The following IL1RL1 variants were observed in gnomAD, a reference collection of about 807,000 sequenced individuals.
IL1RL1 encodes the protein interleukin-1 receptor-like 1.
Under a neutral mutation model 50.9 loss-of-function variants are expected in IL1RL1, and 32 were observed. The observed-to-expected ratio is 0.63, with a 90% CI of 0.47 to 0.84. The LOEUF (loss-of-function observed/expected upper bound fraction) is 0.84, where lower values mean the gene tolerates loss of function less well. Among genes scored for constraint, IL1RL1 ranks in the 40% least tolerant of loss-of-function variants. The pLI is 0.00. For missense variants in IL1RL1, 773 were observed against 662.9 expected (o/e 1.17, Z -1.82); for synonymous variants, 275 against 236.0 (o/e 1.17, Z -1.51).
At chr2:102,321,876 G>A (rs560940768) in intron 1 of IL1RL1, among the ~76,000 whole-genome samples, 2 of 152,262 alleles carry the variant, frequency 1.3e-5, no homozygotes, top group East Asian at 1.9e-4. Flanking sequence ...ATTATTGTGC[G>A]GTTCGCTATA....
At chr2:102,340,540 A>G in intron 4 of IL1RL1, 126 bp from the exon 5 acceptor site, 1 of 946,156 alleles carries the variant, frequency 1.1e-6, no homozygotes, top group Non-Finnish European at 1.6e-6. Flanking sequence ...TTGAACCTAG[A>G]AGGCAGAGGT....
chr2:102,340,840 A>G lies in IL1RL1; in HGVS notation c.610+12A>G. 1 of 1,553,750 alleles carries G rather than the reference A, an allele frequency of 6.4e-7. No homozygotes were observed. Among genetic ancestry groups the G allele is most frequent in the Non-Finnish European group, 8.6e-7 (1 of 1,158,568 alleles). On this transcript the variant is annotated intron_variant, in intron 5 of 10. Transcript: ENST00000233954. ...CTTCACGGTCAAGGGTAAGCTACTG[A>G]CATTAATGAGATAGAATACTACGTG...
chr2:102,337,212 G>A (rs896851441), intron 1 of IL1RL1: 7 of 152,240 alleles, frequency 4.6e-5, no homozygotes, highest in Non-Finnish European at 1.0e-4. Flanking sequence ...TTTCAGGATG[G>A]GAGGAGTGTC....
At position 102,342,256 on chromosome 2, in the gene IL1RL1, G is replaced by A. The variant is rs1285029110; in HGVS notation, c.644G>A (p.Gly215Glu). The stretch of plus-strand genomic sequence containing the variant: ...GGCTTTTCTCTGTTTCCAGTAATCG[G>A]AGCCCCTGCACAAAATGAAATAAAG... ...EQGFSLFPVI[G>E]APAQNEIKEV... is the part of the protein sequence containing the mutation. Residue 215 changes from glycine to glutamate, a missense_variant, in exon 6 of 11, where the codon GGA becomes GAA. Gly to Glu is a moderately conservative substitution (Grantham distance 98). Transcript: ENST00000233954. 1 of 1,612,080 alleles carries A rather than the reference G, an allele frequency of 6.2e-7. No individual in the cohort carries two copies. The highest frequency in any genetic ancestry group is 1.3e-5 in the African/African-American group (1 of 74,926).
At chr2:102,351,432 GA>G in intron 10 of IL1RL1, 103 bp from the exon 11 acceptor site, 3 of 1,033,914 alleles carry the variant, frequency 2.9e-6, no homozygotes, top group Non-Finnish European at 4.2e-6. Context: ...TGATGTCAGA[GA>G]ATCTCACACC....
At chr2:102,349,399 A>G (rs148234255) in intron 10 of IL1RL1, among the ~76,000 whole-genome samples, 153 bp downstream of exon 10, 2 of 152,300 alleles carry the variant, frequency 1.3e-5, no homozygotes, top group Non-Finnish European at 2.9e-5. Context: ...GCAGACACTT[A>G]TCCTTCAATC....
Position 102,351,943 on chromosome 2 carries a change from G to T in IL1RL1, c.*22G>T. The T allele has an allele frequency of 6.3e-7, 1 of 1,579,318 alleles. No individual in the cohort carries two copies. The highest frequency in any genetic ancestry group is 8.6e-7 in the Non-Finnish European group (1 of 1,164,280). ...ATAGTGCCTGCTGTGATGTGCAAAGGCATCTGAGTTTGAAGCTTTCCTGAC... is the reference window on the plus strand; with the variant it reads ...ATAGTGCCTGCTGTGATGTGCAAAGTCATCTGAGTTTGAAGCTTTCCTGAC... On this transcript the variant is annotated 3_prime_UTR_variant, in exon 11 of 11. Transcript: ENST00000233954.
chr2:102,336,417 A>T (rs1187094782), intron 1 of IL1RL1, among the ~76,000 whole-genome samples: 6 of 152,196 alleles, frequency 3.9e-5, no homozygotes, highest in Non-Finnish European at 5.9e-5. Context: ...TTCTAAAGAA[A>T]AGTTAGCTAT....
chr2:102,325,084 A>C (rs893693986), intron 1 of IL1RL1, among the ~76,000 whole-genome samples: 14 of 152,160 alleles, frequency 9.2e-5, no homozygotes, highest in African/African-American at 3.4e-4. Context: ...CGAGTAGCCT[A>C]ACTGGGAGGC....
At chr2:102,345,946 G>T (rs1677769231) in intron 8 of IL1RL1, 1 of 985,244 alleles carries the variant, frequency 1.0e-6, no homozygotes, top group African/African-American at 1.7e-5. Flanking sequence ...AATGTCCCTG[G>T]TTACCTATGT....
chr2:102,341,544 G>C (rs1407406994), intron 5 of IL1RL1, among the ~76,000 whole-genome samples: 1 of 152,126 alleles, frequency 6.6e-6, no homozygotes, highest in Non-Finnish European at 1.5e-5. Flanking sequence ...TCAGGGCAAA[G>C]CAATATTGGA....
intron 1 of IL1RL1, among the ~76,000 whole-genome samples, chr2:102,320,120 C>T (rs1676794425): frequency 6.6e-6 from 1 of 152,210 alleles, no homozygotes; most frequent in Non-Finnish European, 1.5e-5. Flanking sequence ...GCATTATTTT[C>T]TTTTACCCCA....
At chr2:102,336,604 T>C (rs981354703) in intron 1 of IL1RL1, among the ~76,000 whole-genome samples, 2 of 152,114 alleles carry the variant, frequency 1.3e-5, no homozygotes, top group Non-Finnish European at 2.9e-5. Flanking sequence ...AGGGTTATGG[T>C]TTTCTTTGTC....
intron 1 of IL1RL1, among the ~76,000 whole-genome samples, chr2:102,334,582 T>G (rs1677260355): frequency 6.8e-6 from 1 of 145,988 alleles, no homozygotes; most frequent in African/African-American, 2.4e-5. Context: ...TGTCCTCTAG[T>G]GAAATGAGGG....
Position 102,328,737 on chromosome 2 carries a change from C to A in IL1RL1, c.-149-9379C>A, listed in dbSNP as rs141509325. Among the ~76,000 whole-genome samples, 1,465 of 152,218 alleles carry A rather than the reference C, an allele frequency of 9.6e-3. 27 individuals are homozygous for A. Among genetic ancestry groups the A allele is most frequent in the African/African-American group, 0.035 (1,433 of 41,512 alleles). On this transcript the variant is annotated intron_variant, in intron 1 of 10. Coordinates refer to ENST00000233954, the MANE Select transcript of IL1RL1 (RefSeq NM_016232.5). ...CAAATCATGAGTGAACTCCCATTCA[C>A]AATTGCTTCAAGAGAATGAAATACC...
chr2:102,318,117 G>A (rs1292840271), intron 1 of IL1RL1, among the ~76,000 whole-genome samples: 1 of 152,144 alleles, frequency 6.6e-6, no homozygotes, highest in Non-Finnish European at 1.5e-5. Context: ...TAAAGCAGAG[G>A]TTTGAAGAGA....
At chr2:102,329,142 T>C (rs544813864) in intron 1 of IL1RL1, among the ~76,000 whole-genome samples, 7 of 152,244 alleles carry the variant, frequency 4.6e-5, no homozygotes, top group East Asian at 1.9e-4. Context: ...AAAACAGAGA[T>C]ATAGATCAAT....
intron 1 of IL1RL1, among the ~76,000 whole-genome samples, chr2:102,318,465 AC>A (rs1232913478): frequency 6.6e-6 from 1 of 152,152 alleles, no homozygotes; most frequent in Non-Finnish European, 1.5e-5. Flanking sequence ...TGGGAGAAGA[AC>A]AGGGATTCAT....
intron 8 of IL1RL1, chr2:102,345,811 T>C: frequency 1.0e-6 from 1 of 985,494 alleles, no homozygotes; most frequent in Non-Finnish European, 1.2e-6. Context: ...GTGGACCCCA[T>C]CAAGGTGCTA....
Sources: gnomAD v4.1 joint callset for allele counts (sites outside exome capture counted in the v4.1 genomes callset) on GRCh38, gnomAD v4.1.1 for gene constraint, MANE v1.5 for transcripts, NCBI Gene and HGNC (gene_info 2026-07-23, HGNC 2026-07-21) for gene names.